Variants in ACE observed in about 807,000 individuals in gnomAD.
ACE encodes angiotensin-converting enzyme.
Under a neutral mutation model 162.3 loss-of-function variants are expected in ACE, and 122 were observed. That is an observed-to-expected ratio of 0.75 (90% CI 0.65 to 0.87). The LOEUF is 0.87. ACE is among the 40% of genes least tolerant of loss of function. ACE has a pLI of 0.00. For synonymous variants in ACE, 796 were observed against 720.6 expected, an observed-to-expected ratio of 1.10 and a Z score of -1.68; for missense variants, 1,799 against 1,735.1, an observed-to-expected ratio of 1.04 and a Z score of -0.65.
chr17:63,497,544 AG>A lies in ACE; in HGVS notation c.*179del, dbSNP rs1340214995. 1.4e-6 allele frequency: 1 copy of A among 706,086 alleles called. No homozygotes were observed. The highest frequency in any genetic ancestry group is 1.5e-5 in the South Asian group (1 of 66,676). 43.7% of individuals were successfully genotyped at this position (706,086 alleles called of 1,614,324 possible). A position where few individuals can be genotyped will look rare whatever the true frequency, so the allele number is the denominator to read the frequency against. ...ACCAGCCGCCCCAGCCCCTTCTCCC[AG>A]CACACGGCTGCCTGACACTGAGCCC... is the stretch of plus-strand genomic sequence containing the variant. On this transcript the variant is annotated 3_prime_UTR_variant, in exon 25 of 25. Transcript: ENST00000290866.
intron 13 of ACE, chr17:63,485,906 G>T: frequency 5.1e-6 from 1 of 196,202 alleles, no homozygotes. Context: ...AGGAGTTGGA[G>T]ACTAGCCTGG....
At chr17:63,482,408 T>C in intron 7 of ACE, 58 bp from the exon 8 acceptor site, 1 of 1,524,744 alleles carries the variant, frequency 6.6e-7, no homozygotes, top group Non-Finnish European at 9.0e-7. Flanking sequence ...CCCTGTGCCC[T>C]GGCCCTGCCC....
rs753706300 is a variant in ACE at position 63,497,219 on chromosome 17, C to T, written c.3774C>T (p.Gly1258=). 1 of 1,595,538 alleles carries T rather than the reference C, an allele frequency of 6.3e-7. No individual in the cohort carries two copies. Residue 1258 remains glycine (G), a synonymous_variant, in exon 25 of 25, where the codon GGC becomes GGT. Coordinates refer to ENST00000290866, the MANE Select transcript of ACE (RefSeq NM_000789.4). ...LDLDAQQARV[G]QWLLLFLGIA... ...TGGATGCGCAGCAGGCCCGCGTGGG[C>T]CAGTGGCTGCTGCTCTTCCTGGGCA...
Position 63,487,014 on chromosome 17 carries a change from C to T in ACE, c.2246C>T (p.Thr749Ile). The change falls in exon 15 of 25, where the codon ACC (threonine) becomes ATC (isoleucine). Residue 749 changes from threonine (T) to isoleucine (I), a missense_variant. By Grantham distance (89) the Thr-to-Ile change is moderately conservative. Coordinates refer to ENST00000290866, the MANE Select transcript of ACE (RefSeq NM_000789.4). Reference protein sequence around the residue: ...EYNKILLDMETTYSVATVCHP... With the variant: ...EYNKILLDMEITYSVATVCHP... Reference sequence around the variant, plus strand: ...AACAAGATCCTGTTGGATATGGAAACCACCTACAGCGTGGCCACTGTGTGC... The same window carrying T: ...AACAAGATCCTGTTGGATATGGAAATCACCTACAGCGTGGCCACTGTGTGC... 6.2e-7 allele frequency: 1 copy of T among 1,613,918 alleles called. No homozygotes were observed. Among genetic ancestry groups the T allele is most frequent in the South Asian group, 1.1e-5 (1 of 91,086 alleles).
Position 63,484,623 on chromosome 17 carries a change from G to A in ACE, c.1921+82G>A, listed in dbSNP as rs1157532466. On this transcript the variant is annotated intron_variant, in intron 12 of 24. Transcript: ENST00000290866. The surrounding 1 kb of genome is among the most constrained non-coding windows in gnomAD (Gnocchi z 4.0). ...GGCCCAGGCCCCAGGTTCCTGGTCAGCTCCTACCAGCTGAGCCCTGGTACC... is the reference window on the plus strand; with the variant it reads ...GGCCCAGGCCCCAGGTTCCTGGTCAACTCCTACCAGCTGAGCCCTGGTACC... 2 of 1,499,794 alleles carry A rather than the reference G, an allele frequency of 1.3e-6. No individual in the cohort carries two copies. Among genetic ancestry groups the A allele is most frequent in the Non-Finnish European group, 1.8e-6 (2 of 1,119,506 alleles). 92.9% of individuals were successfully genotyped at this position (1,499,794 alleles called of 1,614,324 possible).
chr17:63,480,666 C>T, intron 5 of ACE, 138 bp downstream of exon 5: 1 of 986,688 alleles, frequency 1.0e-6, no homozygotes, highest in East Asian at 2.5e-5. Flanking sequence ...CTGTTTGCTT[C>T]ACATGCAGGA....
Position 63,491,209 on chromosome 17 carries a change from G to T in ACE, c.2740G>T (p.Gly914Cys). 1 of 1,613,984 alleles carries T rather than the reference G, an allele frequency of 6.2e-7. No individual in the cohort carries two copies. Among genetic ancestry groups the T allele is most frequent in the Non-Finnish European group, 8.5e-7 (1 of 1,180,024 alleles). Residue 914 changes from glycine (G) to cysteine (C), a missense_variant and splice_region_variant, in exon 19 of 25, where the codon GGC becomes TGC. Transcript: ENST00000290866. The surrounding 1 kb of genome is among the most constrained non-coding windows in gnomAD (Gnocchi z 4.4). ...MDTTEAMLKQ[G>C]WTPRRMFKEA... Reference sequence around the variant, plus strand: ...TGGGCAGAACTCCCTCTGCTTGCAGGGCTGGACGCCCAGGAGGATGTTTAA... The same window carrying T: ...TGGGCAGAACTCCCTCTGCTTGCAGTGCTGGACGCCCAGGAGGATGTTTAA...
rs772131664 is a variant in ACE at position 63,482,740 on chromosome 17, A to T, written c.1342+51A>T. The T allele has an allele frequency of 4.5e-6, 7 of 1,564,778 alleles. No individual in the cohort carries two copies. The East Asian group carries it at 1.6e-4, about 35-fold the overall frequency. On this transcript the variant is annotated intron_variant, in intron 8 of 24. Transcript: ENST00000290866. ...CCCAGCCTCACCTAAACCCCGCTCC[A>T]CCCCACAGCAGGACCTCACTTGCCC...
intron 22 of ACE, chr17:63,496,021 C>T (rs1022243919): frequency 3.8e-5 from 13 of 341,828 alleles, no homozygotes; most frequent in East Asian, 2.9e-4. Flanking sequence ...TAGATCCACA[C>T]GGCCCATTTG....
At chr17:63,482,873 G>T (rs1203215374) in intron 8 of ACE, among the ~76,000 whole-genome samples, 156 bp from the exon 9 acceptor site, 3 of 152,026 alleles carry the variant, frequency 2.0e-5, no homozygotes, top group Admixed American at 6.5e-5. Flanking sequence ...ACACCTGGGG[G>T]TCCTCTTCCA....
intron 2 of ACE, 166 bp from the exon 3 acceptor site, chr17:63,478,841 G>C: frequency 1.5e-6 from 1 of 677,886 alleles, no homozygotes; most frequent in Non-Finnish European, 2.7e-6. Context: ...ACTCAGAAGT[G>C]ATCCGGTCAC....
In ACE at chr17:63,477,098, G is replaced by C. The variant is rs2049627089; in HGVS notation, c.4G>C (p.Gly2Arg). The change falls in exon 1 of 25, where the codon GGG becomes CGG. Residue 2 changes from glycine (G) to arginine (R), a missense_variant. Coordinates refer to ENST00000290866, the MANE Select transcript of ACE (RefSeq NM_000789.4). Reference sequence around the variant, plus strand: ...GCCGAGCACCGCGCACCGCGTCATGGGGGCCGCCTCGGGCCGCCGGGGGCC... The same window carrying C: ...GCCGAGCACCGCGCACCGCGTCATGCGGGCCGCCTCGGGCCGCCGGGGGCC... M[G>R]AASGRRGPGL... is the part of the protein sequence containing the mutation. The C allele has an allele frequency of 7.6e-7, 1 of 1,310,494 alleles. No homozygotes were observed. Among genetic ancestry groups the C allele is most frequent in the East Asian group, 3.2e-5 (1 of 30,954 alleles). 81.2% of individuals were successfully genotyped at this position (1,310,494 alleles called of 1,614,324 possible).
At chr17:63,487,175 G>C in intron 15 of ACE, 102 bp downstream of exon 15, 1 of 990,234 alleles carries the variant, frequency 1.0e-6, no homozygotes, top group Non-Finnish European at 1.6e-6. Flanking sequence ...CCTCGCTCTT[G>C]GGGTCAGCGT....
intron 12 of ACE, 156 bp from the exon 13 acceptor site, chr17:63,485,080 G>A (rs1464913409): frequency 1.9e-6 from 3 of 1,603,080 alleles, no homozygotes; most frequent in Non-Finnish European, 2.6e-6. Context: ...GGACCATGCA[G>A]GGGAGGGGCA....
intron 5 of ACE, 62 bp downstream of exon 5, chr17:63,480,590 G>A: frequency 1.3e-6 from 2 of 1,581,416 alleles, no homozygotes; most frequent in Non-Finnish European, 8.7e-7. Flanking sequence ...AGGTAGGGGT[G>A]GGGGATGTCC....
chr17:63,492,269 T>C (rs1216640414), intron 19 of ACE, among the ~76,000 whole-genome samples: 2 of 152,196 alleles, frequency 1.3e-5, no homozygotes, highest in Admixed American at 1.3e-4. Flanking sequence ...GGTCCAAAAC[T>C]GGCCCAGAGT....
chr17:63,491,503 G>A lies in ACE; in HGVS notation c.2912+122G>A. 1 of 1,329,600 alleles carries A rather than the reference G, an allele frequency of 7.5e-7. No homozygotes were observed. The highest frequency in any genetic ancestry group is 1.1e-6 in the Non-Finnish European group (1 of 941,372). The allele number at this position is 1,329,600 out of a possible 1,614,324, so 82.4% of individuals were successfully genotyped here. On this transcript the variant is annotated intron_variant, in intron 19 of 24. Coordinates refer to ENST00000290866, the MANE Select transcript of ACE (RefSeq NM_000789.4). This position sits in a 1 kb window ranked among gnomAD's most constrained non-coding sequence, Gnocchi z 4.4. ...GCAGGGCAGGATGGGGACAGGGCCA[G>A]AGTTTGGGACTGAGTGTCTAGAGAG...
At chr17:63,486,038 C>G (rs2029913359) in intron 13 of ACE, among the ~76,000 whole-genome samples, 1 of 152,152 alleles carries the variant, frequency 6.6e-6, no homozygotes, top group South Asian at 2.1e-4. Flanking sequence ...GATTGAAAGC[C>G]TCTGTTTGTC....
intron 14 of ACE, 112 bp downstream of exon 14, chr17:63,486,827 C>A: frequency 6.6e-7 from 1 of 1,516,930 alleles, no homozygotes; most frequent in Non-Finnish European, 9.1e-7. Flanking sequence ...CAAGTCATGG[C>A]ATCTGCCATG....
Sources: gnomAD v4.1 joint callset for allele counts (sites outside exome capture counted in the v4.1 genomes callset) on GRCh38, gnomAD v4.1.1 for gene constraint, Gnocchi (gnomAD v3.1) non-coding constraint, MANE v1.5 for transcripts, NCBI Gene and HGNC (gene_info 2026-07-23, HGNC 2026-07-21) for gene names.